The following ARIH1 variants were observed in gnomAD, a reference collection of about 807,000 sequenced individuals.
ARIH1 encodes E3 ubiquitin-protein ligase ARIH1.
Under a neutral mutation model 85.0 loss-of-function variants are expected in ARIH1, and 8 were observed. That is an observed-to-expected ratio of 0.09 (90% CI 0.06 to 0.17). The LOEUF (loss-of-function observed/expected upper bound fraction) is 0.17. ARIH1 is among the 10% of genes least tolerant of loss of function. The pLI is 1.00. For missense variants in ARIH1, 311 were observed against 718.1 expected, an observed-to-expected ratio of 0.43 and a Z score of 6.48; for synonymous variants, 238 against 253.6, an observed-to-expected ratio of 0.94 and a Z score of 0.59.
chr15:72,494,962 TATTGTA>T (rs2063873987), intron 1 of ARIH1, among the ~76,000 whole-genome samples: 1 of 152,150 alleles, frequency 6.6e-6, no homozygotes, highest in Non-Finnish European at 1.5e-5. Context: ...CATCTGTGAG[TATTGTA>T]ATTGTGTAGT....
chr15:72,531,361 G>A (rs1468071548), intron 2 of ARIH1, among the ~76,000 whole-genome samples: 2 of 152,088 alleles, frequency 1.3e-5, no homozygotes, highest in Admixed American at 6.6e-5. Context: ...TGCACCTCCC[G>A]GGTTCAAGGC....
intron 1 of ARIH1, among the ~76,000 whole-genome samples, chr15:72,482,063 T>G (rs2063818682): frequency 6.6e-6 from 1 of 152,144 alleles, no homozygotes; most frequent in Non-Finnish European, 1.5e-5. Context: ...CTCGAACTCC[T>G]GACCTCAGGT....
chr15:72,538,819 A>G (rs1053875977), intron 2 of ARIH1, among the ~76,000 whole-genome samples: 1 of 152,226 alleles, frequency 6.6e-6, no homozygotes, highest in Non-Finnish European at 1.5e-5. Flanking sequence ...TCCTGGAGAG[A>G]AGAGAATTTA....
intron 2 of ARIH1, among the ~76,000 whole-genome samples, chr15:72,534,060 A>G (rs921419405): frequency 3.9e-5 from 6 of 152,224 alleles, no homozygotes; most frequent in Non-Finnish European, 8.8e-5. Context: ...TAAATGAGCA[A>G]AAGCTACAAG....
intron 11 of ARIH1, among the ~76,000 whole-genome samples, chr15:72,575,512 C>T (rs1214819128): frequency 6.9e-6 from 1 of 145,566 alleles, no homozygotes; most frequent in East Asian, 2.0e-4. Flanking sequence ...GGTTGTGCCA[C>T]TGCACTCTAG....
intron 7 of ARIH1, among the ~76,000 whole-genome samples, chr15:72,565,042 C>CCAA (rs1220774055): frequency 4.6e-5 from 7 of 151,990 alleles, no homozygotes; most frequent in Admixed American, 2.6e-4. Context: ...AGTCAAGGGG[C>CCAA]TCTAGACCCA....
chr15:72,510,236 T>A (rs2063944117), intron 1 of ARIH1, among the ~76,000 whole-genome samples: 1 of 152,238 alleles, frequency 6.6e-6, no homozygotes, highest in Non-Finnish European at 1.5e-5. Context: ...TGCAGGTATC[T>A]TCTCCTAGTC....
intron 5 of ARIH1, among the ~76,000 whole-genome samples, chr15:72,558,179 A>T (rs2064182791): frequency 6.6e-6 from 1 of 152,128 alleles, no homozygotes; most frequent in Non-Finnish European, 1.5e-5. Flanking sequence ...CATATCATAG[A>T]TGGCTCTTAA....
At chr15:72,479,387 A>G (rs1000959511) in intron 1 of ARIH1, among the ~76,000 whole-genome samples, 3 of 141,054 alleles carry the variant, frequency 2.1e-5, no homozygotes, top group South Asian at 2.3e-4. Context: ...TCTTGCTTTT[A>G]TAAGATCTGT....
intron 1 of ARIH1, among the ~76,000 whole-genome samples, chr15:72,494,100 T>G (rs1327594012): frequency 6.6e-6 from 1 of 152,286 alleles, no homozygotes; most frequent in South Asian, 2.1e-4. Context: ...TGTTATAGTT[T>G]ATGAATTTCT....
At chr15:72,556,292 A>G (rs1374868161) in intron 5 of ARIH1, among the ~76,000 whole-genome samples, 1 of 152,260 alleles carries the variant, frequency 6.6e-6, no homozygotes, top group African/African-American at 2.4e-5. Context: ...GACATCTGTT[A>G]AAAGACAAAG....
intron 2 of ARIH1, among the ~76,000 whole-genome samples, chr15:72,532,026 G>A (rs978377356): frequency 1.3e-5 from 2 of 152,014 alleles, no homozygotes; most frequent in African/African-American, 2.4e-5. Flanking sequence ...CATCTTAAAA[G>A]TCTCAAGTAA....
In ARIH1 at chr15:72,476,034, C is replaced by A. The variant is rs574762217; in HGVS notation, c.375+1020C>A. Among the ~76,000 whole-genome samples the A allele has an allele frequency of 5.9e-5, 9 of 152,128 alleles. No individual in the cohort carries two copies. In the East Asian group the frequency reaches 1.7e-3, roughly 29 times the overall value. ...TTGATTCAGTGCAATTTTTAGAAAA[C>A]CTGGAAGGAAACATATATGAGCAGC... On this transcript the variant is annotated intron_variant, in intron 1 of 13. Coordinates refer to ENST00000379887, the MANE Select transcript of ARIH1 (RefSeq NM_005744.5).
chr15:72,528,932 G>A (rs2064042622), intron 2 of ARIH1, among the ~76,000 whole-genome samples: 1 of 152,172 alleles, frequency 6.6e-6, no homozygotes, highest in Non-Finnish European at 1.5e-5. Context: ...TGGGTGTGGT[G>A]GCTCATGCCT....
Position 72,498,070 on chromosome 15 carries a change from A to G in ARIH1, c.376-19997A>G, listed in dbSNP as rs148093908. On this transcript the variant is annotated intron_variant, in intron 1 of 13. Coordinates refer to ENST00000379887, the MANE Select transcript of ARIH1 (RefSeq NM_005744.5). ...AAACCTTTTCAGTTATCTGTTTTTG[A>G]TTCTACCAAAGGTATTAGGTATTTA... Among the ~76,000 whole-genome samples the G allele has an allele frequency of 2.0e-3, 307 of 152,174 alleles. 1 individual carries two copies. The highest frequency in any genetic ancestry group is 3.6e-3 in the Non-Finnish European group (243 of 67,988).
At chr15:72,575,587 C>T (rs2140438021) in intron 11 of ARIH1, among the ~76,000 whole-genome samples, 1 of 145,600 alleles carries the variant, frequency 6.9e-6, no homozygotes, top group East Asian at 2.0e-4. Context: ...GTCTTATTAG[C>T]AGTGATGGTA....
In ARIH1 at chr15:72,474,632, G is replaced by T. The variant is rs369855940; in HGVS notation, c.-8G>T. On this transcript the variant is annotated 5_prime_UTR_variant, in exon 1 of 14. Transcript: ENST00000379887. ...GCCAGCGTCCGCCGGGCCCCCGCGC[G>T]TCGCGCCATGGACTCGGACGAGGGC... 4 of 1,512,318 alleles carry T rather than the reference G, an allele frequency of 2.6e-6. No homozygotes were observed. The highest frequency in any genetic ancestry group is 4.3e-5 in the Admixed American group (2 of 46,760). The allele number at this position is 1,512,318 out of a possible 1,614,324, so 93.7% of individuals were successfully genotyped here.
At chr15:72,570,094 C>T in intron 9 of ARIH1, 83 bp from the exon 10 acceptor site, 1 of 1,501,466 alleles carries the variant, frequency 6.7e-7, no homozygotes, top group South Asian at 1.3e-5. Flanking sequence ...AAAAACAAAC[C>T]AAATCTAGAA....
At chr15:72,509,193 G>A (rs2063939677) in intron 1 of ARIH1, among the ~76,000 whole-genome samples, 2 of 151,740 alleles carry the variant, frequency 1.3e-5, no homozygotes, top group South Asian at 4.2e-4. Context: ...GTTTCATCAT[G>A]TTGGTCAGCC....
Sources: gnomAD v4.1 joint callset for allele counts (sites outside exome capture counted in the v4.1 genomes callset) on GRCh38, gnomAD v4.1.1 for gene constraint, MANE v1.5 for transcripts, NCBI Gene and HGNC (gene_info 2026-07-23, HGNC 2026-07-21) for gene names.